Variants in MICAL3 observed in about 807,000 individuals in gnomAD.
MICAL3 encodes [F-actin]-monooxygenase MICAL3.
Under a neutral mutation model 207.4 loss-of-function variants are expected in MICAL3, and 62 were observed. That is an observed-to-expected ratio of 0.30 (90% confidence interval 0.24 to 0.37). The LOEUF (loss-of-function observed/expected upper bound fraction) is 0.37, where lower values mean the gene tolerates loss of function less well. Among genes scored for constraint, MICAL3 ranks in the 10% least tolerant of loss-of-function variants. MICAL3 has a pLI of 1.00. For synonymous variants in MICAL3, 1,077 were observed against 1,069.3 expected, an observed-to-expected ratio of 1.01 and a Z score of -0.14; for missense variants, 2,368 against 2,635.6, an observed-to-expected ratio of 0.90 and a Z score of 2.22.
intron 19 of MICAL3, among the ~76,000 whole-genome samples, chr22:17,857,372 A>G (rs1049298915): frequency 2.0e-5 from 3 of 152,218 alleles, no homozygotes; most frequent in African/African-American, 7.2e-5. Context: ...AATCCAACTA[A>G]GGCCTGATGA....
intron 1 of MICAL3, among the ~76,000 whole-genome samples, chr22:17,926,183 T>G (rs1430578895): frequency 6.6e-6 from 1 of 152,154 alleles, no homozygotes; most frequent in Admixed American, 6.5e-5. Context: ...GTTAGAAGAC[T>G]AAAGGTCTAC....
rs59740388 is a variant in MICAL3 at position 17,953,930 on chromosome 22, C to CAAAAAAAAAAAAAAAAAAAAAAAA, written c.-74-47068_-74-47045dup. 2.6e-3 allele frequency among the ~76,000 whole-genome samples: 224 copies of CAAAAAAAAAAAAAAAAAAAAAAAA among 86,494 alleles called. 4 individuals are homozygous for CAAAAAAAAAAAAAAAAAAAAAAAA. The highest frequency in any genetic ancestry group is 3.4e-3 in the South Asian group (7 of 2,076). The allele number at this position is 86,494 out of a possible 152,430, so 56.7% of individuals were successfully genotyped here. ...CAGGTGACAGAGTAAGACTCCATCT[C>CAAAAAAAAAAAAAAAAAAAAAAAA]AAAAAAAAAAAAAAAAAAAAAAAAA... On this transcript the variant is annotated intron_variant, in intron 1 of 31. Transcript: ENST00000441493.
At chr22:17,840,843 C>T (rs2542336) in intron 20 of MICAL3, 40,075 of 152,212 alleles carry the variant, frequency 0.26, 5,415 homozygotes, top group Middle Eastern at 0.29. Flanking sequence ...GAACTGCAGA[C>T]ACCAAGGCAG....
Position 17,841,860 on chromosome 22 carries a change from G to T in MICAL3, c.2763C>A (p.Ser921Arg). ...CCTCCTCGGCGCCCGTGTCCAGCAC[G>T]CTGCTCAGGTTGTGCTCGGCCTGAG... ...EETQAEHNLS[S>R]VLDTGAEEDV... The change falls in exon 20 of 32, where the codon AGC (serine) becomes AGA (arginine). Residue 921 changes from serine to arginine, a missense_variant. Around this residue, in one of 4 missense-constraint regions of MICAL3, gnomAD observed 1,770 missense variants for 1,863.2 expected, o/e 0.95. Transcript: ENST00000441493. This position sits in a 1 kb window ranked among gnomAD's most constrained non-coding sequence, Gnocchi z 4.2. The T allele has an allele frequency of 1.3e-6, 2 of 1,568,688 alleles. No individual in the cohort carries two copies. The highest frequency in any genetic ancestry group is 1.8e-5 in the Admixed American group (1 of 54,376).
chr22:17,839,082 C>T (rs1923708511), intron 20 of MICAL3, among the ~76,000 whole-genome samples: 1 of 151,438 alleles, frequency 6.6e-6, no homozygotes, highest in Non-Finnish European at 1.5e-5. Flanking sequence ...CTGCCTCAGC[C>T]TCCTGAGTAG....
chr22:17,827,817 TG>T, intron 21 of MICAL3, 36 bp from the exon 22 acceptor site: 1 of 1,519,980 alleles, frequency 6.6e-7, no homozygotes. Context: ...AGAAATGAGG[TG>T]GGGAAGGAGG....
chr22:17,965,740 C>G (rs1935116652), intron 1 of MICAL3, among the ~76,000 whole-genome samples: 1 of 152,238 alleles, frequency 6.6e-6, no homozygotes, highest in Non-Finnish European at 1.5e-5. Context: ...CTGCTATCAT[C>G]TTAATCCAGA....
intron 10 of MICAL3, among the ~76,000 whole-genome samples, chr22:17,894,553 T>G (rs1930662440): frequency 1.3e-5 from 2 of 151,490 alleles, no homozygotes; most frequent in Admixed American, 1.3e-4. Flanking sequence ...AAAATTACAC[T>G]AGGGGCCAGG....
At position 17,869,474 on chromosome 22, in the gene MICAL3, G is replaced by A. The variant is rs114730441; in HGVS notation, c.2428+2363C>T. 8.5e-3 allele frequency among the ~76,000 whole-genome samples: 1,299 copies of A among 152,244 alleles called. 16 individuals carry two copies. Among genetic ancestry groups the A allele is most frequent in the African/African-American group, 0.029 (1,209 of 41,538 alleles). On this transcript the variant is annotated intron_variant, in intron 17 of 31. Coordinates refer to ENST00000441493, the MANE Select transcript of MICAL3 (RefSeq NM_015241.3). ...GTATGTCTCTTCTCAAGATGACAGG[G>A]AAGGGCCTGACACTAATTTTGAGTC...
intron 1 of MICAL3, among the ~76,000 whole-genome samples, chr22:17,913,514 T>G (rs1398039568): frequency 1.3e-5 from 2 of 152,064 alleles, no homozygotes; most frequent in African/African-American, 4.8e-5. Flanking sequence ...GGGCGGGCAG[T>G]GACAGTCTAA....
In MICAL3 at chr22:17,948,882, C is replaced by T. The variant is rs879901580; in HGVS notation, c.-74-41996G>A. Among the ~76,000 whole-genome samples the T allele has an allele frequency of 5.6e-5, 6 of 106,464 alleles. No individual in the cohort carries two copies. The East Asian group carries it at 1.7e-3, about 30-fold the overall frequency. The allele number at this position is 106,464 out of a possible 152,430, so 69.8% of individuals were successfully genotyped here. ...GAGCCAAGATCGTGCCACTGCACTC[C>T]AGCCTGGGTGACAAAGTGAGATGCT... On this transcript the variant is annotated intron_variant, in intron 1 of 31. Coordinates refer to ENST00000441493, the MANE Select transcript of MICAL3 (RefSeq NM_015241.3).
chr22:17,802,419 G>A (rs1487659596), intron 29 of MICAL3, among the ~76,000 whole-genome samples: 1 of 152,200 alleles, frequency 6.6e-6, no homozygotes, highest in African/African-American at 2.4e-5. Context: ...GAGAAGGCAA[G>A]AGGCATTAGA....
chr22:17,943,119 T>C (rs1933888546), intron 1 of MICAL3, among the ~76,000 whole-genome samples: 1 of 152,236 alleles, frequency 6.6e-6, no homozygotes, highest in Non-Finnish European at 1.5e-5. Flanking sequence ...CTCCTCTTCC[T>C]ACTCTTTCTT....
rs544548277 is a variant in MICAL3 at position 17,966,675 on chromosome 22, G to C, written c.-75+57606C>G. 9.8e-5 allele frequency among the ~76,000 whole-genome samples: 15 copies of C among 152,312 alleles called. No individual in the cohort carries two copies. The East Asian group carries it at 2.9e-3, about 29-fold the overall frequency. ...TCCCCTGCCAATGGTGATAAAGACA[G>C]TACCAACTGTCTAGGGTATTTCTAG... On this transcript the variant is annotated intron_variant, in intron 1 of 31. Coordinates refer to ENST00000441493, the MANE Select transcript of MICAL3 (RefSeq NM_015241.3).
At chr22:18,003,751 G>A (rs1277526595) in intron 1 of MICAL3, among the ~76,000 whole-genome samples, 1 of 151,912 alleles carries the variant, frequency 6.6e-6, no homozygotes, top group Non-Finnish European at 1.5e-5. Context: ...CAATCACGCA[G>A]GGAGTCTGGG....
At chr22:17,813,860 G>A (rs1443634098) in intron 27 of MICAL3, 2 of 152,212 alleles carry the variant, frequency 1.3e-5, no homozygotes, top group African/African-American at 4.8e-5. Flanking sequence ...GGGCTCAAGA[G>A]GCAGCTGCGT....
Position 17,794,091 on chromosome 22 carries a change from G to A in MICAL3, c.5651-2790C>T, listed in dbSNP as rs1262361682. ...TGGCAGCATCACAGAGGGGGCGGGG[G>A]GCCAGAGCCACAGTGTGGATTCCTC... On this transcript the variant is annotated intron_variant, in intron 29 of 31. Transcript: ENST00000441493. Among the ~76,000 whole-genome samples the A allele has an allele frequency of 2.0e-5, 3 of 152,264 alleles. No individual in the cohort carries two copies. The East Asian group carries it at 5.8e-4, about 30-fold the overall frequency.
At chr22:17,816,041 G>C (rs1413576039) in intron 27 of MICAL3, among the ~76,000 whole-genome samples, 1 of 152,210 alleles carries the variant, frequency 6.6e-6, no homozygotes, top group Non-Finnish European at 1.5e-5. Context: ...CTGGACAGTG[G>C]AGGTGGGGTG....
chr22:18,012,263 T>G (rs1440456477), intron 1 of MICAL3, among the ~76,000 whole-genome samples: 1 of 152,136 alleles, frequency 6.6e-6, no homozygotes, highest in East Asian at 1.9e-4. Flanking sequence ...AGAAGAGAAG[T>G]TACTTTTTGT....
Sources: allele counts gnomAD v4.1 joint callset (sites outside exome capture counted in the v4.1 genomes callset), GRCh38; gene constraint gnomAD v4.1.1; regional missense constraint gnomAD v4.1.1; non-coding constraint Gnocchi (gnomAD v3.1); transcripts MANE v1.5; gene names NCBI Gene and HGNC (gene_info 2026-07-23, HGNC 2026-07-21).